Variants in CYFIP2 observed in about 807,000 individuals in gnomAD.
CYFIP2 encodes the protein cytoplasmic FMR1 interacting protein 2.
In CYFIP2, 29 loss-of-function variants were observed where a neutral mutation model predicts 158.7. The observed-to-expected ratio is 0.18, with a 90% CI of 0.14 to 0.25. The LOEUF is 0.25. Ranked by LOEUF, CYFIP2 falls within the 10% of genes least tolerant of loss-of-function variation. The probability of loss-of-function intolerance (pLI) is 1.00; values close to 1 mark genes in which losing one functional copy is unlikely to be tolerated. For missense variants in CYFIP2, 852 were observed against 1,639.5 expected, an observed-to-expected ratio of 0.52 and a Z score of 8.29; for synonymous variants, 585 against 617.6, an observed-to-expected ratio of 0.95 and a Z score of 0.78.
rs564269775 is a variant in CYFIP2 at position 157,306,855 on chromosome 5, C to G, written c.796-906C>G. On this transcript the variant is annotated intron_variant, in intron 8 of 30. Coordinates refer to ENST00000620254, the MANE Select transcript of CYFIP2 (RefSeq NM_001037333.3). ...TGTGATCATACCACTGCACTCCAGC[C>G]CGGGTGGGGTGGGGTAGGGAACAGA... is the stretch of plus-strand genomic sequence containing the variant. 2.0e-3 allele frequency among the ~76,000 whole-genome samples: 301 copies of G among 151,382 alleles called. 1 individual carries two copies. Among genetic ancestry groups the G allele is most frequent in the African/African-American group, 6.7e-3 (275 of 41,198 alleles).
chr5:157,340,190 A>G (rs1762148540), intron 22 of CYFIP2, among the ~76,000 whole-genome samples: 1 of 152,244 alleles, frequency 6.6e-6, no homozygotes, highest in South Asian at 2.1e-4. Context: ...TGGAAGAGTA[A>G]GGCATATATA....
intron 23 of CYFIP2, among the ~76,000 whole-genome samples, chr5:157,347,740 G>C (rs1280400631): frequency 6.6e-6 from 1 of 152,220 alleles, no homozygotes; most frequent in Non-Finnish European, 1.5e-5. Flanking sequence ...TTTTAACCAA[G>C]AGAAATTTTC....
At chr5:157,291,696 T>A (rs1202566207) in intron 3 of CYFIP2, among the ~76,000 whole-genome samples, 1 of 152,258 alleles carries the variant, frequency 6.6e-6, no homozygotes, top group Admixed American at 6.5e-5. Flanking sequence ...AACATGTTAC[T>A]GATTTTTAAA....
chr5:157,333,617 A>G (rs897400147), intron 21 of CYFIP2, among the ~76,000 whole-genome samples, 171 bp downstream of exon 21: 1 of 152,210 alleles, frequency 6.6e-6, no homozygotes, highest in South Asian at 2.1e-4. Flanking sequence ...GAGTAATCTT[A>G]CGTTCCTGAT....
rs369433912 is a variant in CYFIP2, at chr5:157,342,897, C to A, written c.2673+1740C>A. 96 of 1,613,780 alleles carry A rather than the reference C, an allele frequency of 5.9e-5. 1 individual carries two copies. In the East Asian group the frequency reaches 1.1e-3, roughly 19 times the overall value. ...CAATGAGGCAGTATAGCGGGTGGGT[C>A]ACCACCCCCCCTCTGTAAGGCACCC... is the stretch of plus-strand genomic sequence containing the variant. On this transcript the variant is annotated intron_variant, in intron 23 of 30. Transcript: ENST00000620254.
In CYFIP2 at chr5:157,389,350, T is replaced by C; in HGVS notation, c.3369T>C (p.Cys1123=). 6 of 1,613,880 alleles carry C rather than the reference T, an allele frequency of 3.7e-6. No homozygotes were observed. In the South Asian group the frequency reaches 5.5e-5, roughly 15 times the overall value. The change falls in exon 29 of 31, where the codon TGT becomes TGC. Residue 1123 remains cysteine (C), a synonymous_variant. Transcript: ENST00000620254. ...ATGGCGTCATGCACGTCGATGAGTG[T>C]GTGGAGTTCCACCGGCTGTGGAGCG... ...PTNGVMHVDE[C]VEFHRLWSAM...
At chr5:157,309,891 G>T in intron 10 of CYFIP2, 57 bp downstream of exon 10, 1 of 1,494,664 alleles carries the variant, frequency 6.7e-7, no homozygotes. Flanking sequence ...CCCGGGCAGA[G>T]AGCCGAGGGG....
At chr5:157,287,733 A>G (rs929585634) in intron 3 of CYFIP2, among the ~76,000 whole-genome samples, 1 of 152,142 alleles carries the variant, frequency 6.6e-6, no homozygotes, top group Non-Finnish European at 1.5e-5. Context: ...GACCTTTGAC[A>G]CTATATGTCT....
At chr5:157,277,002 C>A (rs886387448) in intron 1 of CYFIP2, 2 of 151,378 alleles carry the variant, frequency 1.3e-5, no homozygotes, top group Admixed American at 6.6e-5. Context: ...GTATTCTATG[C>A]TGATTTAAAT....
At chr5:157,392,737 G>A in intron 30 of CYFIP2, 96 bp from the exon 31 acceptor site, 1 of 1,350,220 alleles carries the variant, frequency 7.4e-7, no homozygotes, top group Non-Finnish European at 1.0e-6. Context: ...GATCACTGAT[G>A]CAGGGGACCC....
At chr5:157,289,650 G>T (rs1349562677) in intron 3 of CYFIP2, among the ~76,000 whole-genome samples, 2 of 152,116 alleles carry the variant, frequency 1.3e-5, no homozygotes, top group Non-Finnish European at 2.9e-5. Context: ...AGTCAGATTA[G>T]ATCAGGGCCC....
intron 12 of CYFIP2, among the ~76,000 whole-genome samples, chr5:157,314,722 A>G (rs1370419742): frequency 6.6e-6 from 1 of 152,228 alleles, no homozygotes; most frequent in Non-Finnish European, 1.5e-5. Context: ...AGCCCTGAGC[A>G]ATCTGCTTTC....
chr5:157,294,696 T>C, intron 3 of CYFIP2, 87 bp from the exon 4 acceptor site: 1 of 1,077,562 alleles, frequency 9.3e-7, no homozygotes. Flanking sequence ...CCATGGACCA[T>C]ACCATAACTA....
At chr5:157,312,199 A>C (rs1759781745) in intron 11 of CYFIP2, among the ~76,000 whole-genome samples, 1 of 152,228 alleles carries the variant, frequency 6.6e-6, no homozygotes, top group Non-Finnish European at 1.5e-5. Flanking sequence ...TAAATGTTTT[A>C]AAACTAAACA....
chr5:157,360,482 T>C (rs988996266), intron 25 of CYFIP2, 110 bp downstream of exon 25: 1 of 803,748 alleles, frequency 1.2e-6, no homozygotes, highest in South Asian at 1.8e-5. Flanking sequence ...GGCAGAGTAC[T>C]GGCTATCCAT....
intron 3 of CYFIP2, among the ~76,000 whole-genome samples, chr5:157,293,064 A>G (rs141109552): frequency 3.9e-4 from 51 of 131,666 alleles, no homozygotes; most frequent in African/African-American, 1.4e-3. Context: ...GTATGTATGT[A>G]TGTGTGTTTG....
At chr5:157,286,262 T>C (rs1407369865) in intron 2 of CYFIP2, among the ~76,000 whole-genome samples, 2 of 151,808 alleles carry the variant, frequency 1.3e-5, no homozygotes, top group African/African-American at 4.8e-5. Context: ...TACAGAAAAG[T>C]ATACAAAAAA....
rs1055623126 is a variant in CYFIP2, at chr5:157,332,431, C to G, written c.2266-896C>G. 1.3e-5 allele frequency among the ~76,000 whole-genome samples: 2 copies of G among 152,074 alleles called. 1 individual carries two copies. Among genetic ancestry groups the G allele is most frequent in the Non-Finnish European group, 2.9e-5 (2 of 68,028 alleles). On this transcript the variant is annotated intron_variant, in intron 20 of 30. Transcript: ENST00000620254. ...CTTAACTATTTGAGAGTTTAAGTTG[C>G]CAAATCATGACATTTCACCCCTGAA...
chr5:157,388,530 T>A (rs2113545628), intron 28 of CYFIP2, among the ~76,000 whole-genome samples: 1 of 152,364 alleles, frequency 6.6e-6, no homozygotes, highest in East Asian at 1.9e-4. Context: ...CTGATGTTAG[T>A]CCTTCTAAAA....
Sources: gnomAD v4.1 joint callset for allele counts (sites outside exome capture counted in the v4.1 genomes callset) on GRCh38, gnomAD v4.1.1 for gene constraint, MANE v1.5 for transcripts, NCBI Gene and HGNC (gene_info 2026-07-23, HGNC 2026-07-21) for gene names.